TTI1: variants seen among roughly 807,000 people sequenced by gnomAD.
TTI1 encodes the protein TELO2-interacting protein 1 homolog.
Under a neutral mutation model 85.4 loss-of-function variants are expected in TTI1, and 52 were observed. The observed-to-expected ratio is 0.61, with a 90% CI of 0.49 to 0.77. The LOEUF (loss-of-function observed/expected upper bound fraction) is 0.77, where lower values mean the gene tolerates loss of function less well. Among genes scored for constraint, TTI1 ranks in the 30% least tolerant of loss-of-function variants. The probability of loss-of-function intolerance (pLI) is 0.00; values close to 1 mark genes in which losing one functional copy is unlikely to be tolerated. For synonymous variants in TTI1, 512 were observed against 503.9 expected (o/e 1.02, Z -0.22); for missense variants, 1,173 against 1,296.0 (o/e 0.91, Z 1.46).
Position 38,013,086 on chromosome 20 carries a change from C to T in TTI1, c.731G>A (p.Ser244Asn). Residue 244 changes from serine to asparagine, a missense_variant, in exon 2 of 8, where the codon AGC (serine) becomes AAC (asparagine). By Grantham distance (46) the Ser-to-Asn change is conservative. Coordinates refer to ENST00000373447, the MANE Select transcript of TTI1 (RefSeq NM_001303457.2). ...SSLKIFYKTVSFIMADEQLKR... is the reference protein window; with the variant it reads ...SSLKIFYKTVNFIMADEQLKR... ...GAGCTGTTCATCAGCCATAATGAAGCTCACTGTCTTGTAAAAGATCTTTAG... is the reference window on the plus strand; with the variant it reads ...GAGCTGTTCATCAGCCATAATGAAGTTCACTGTCTTGTAAAAGATCTTTAG... 1 of 1,614,174 alleles carries T rather than the reference C, an allele frequency of 6.2e-7. No homozygotes were observed. The highest frequency in any genetic ancestry group is 1.1e-5 in the South Asian group (1 of 91,080).
At chr20:38,031,936 G>C (rs1394925062) in intron 1 of TTI1, among the ~76,000 whole-genome samples, 1 of 152,140 alleles carries the variant, frequency 6.6e-6, no homozygotes, top group Non-Finnish European at 1.5e-5. Context: ...CAGTGACTTG[G>C]TATAAAAGTG....
chr20:37,996,265 G>T (rs1009081969), intron 7 of TTI1, 110 bp downstream of exon 7: 1 of 1,113,156 alleles, frequency 9.0e-7, no homozygotes, highest in Non-Finnish European at 1.3e-6. Flanking sequence ...ATCTTAACCT[G>T]GCAGGGTGAC....
Position 38,013,748 on chromosome 20 carries a change from C to T in TTI1, c.69G>A (p.Lys23=), listed in dbSNP as rs768636223. ...VLRPVCVQLT[K]TQTVENVEHL... is the part of the protein sequence containing the mutation. Reference sequence around the variant, plus strand: ...GCTCCACATTCTCCACTGTCTGGGTCTTTGTGAGCTGAACACAGACTGGAC... The same window carrying T: ...GCTCCACATTCTCCACTGTCTGGGTTTTTGTGAGCTGAACACAGACTGGAC... The change falls in exon 2 of 8, where the codon AAG becomes AAA. Residue 23 remains lysine (K), a synonymous_variant. Coordinates refer to ENST00000373447, the MANE Select transcript of TTI1 (RefSeq NM_001303457.2). 6.2e-7 allele frequency: 1 copy of T among 1,614,158 alleles called. No individual in the cohort carries two copies. Among genetic ancestry groups the T allele is most frequent in the Admixed American group, 1.7e-5 (1 of 60,028 alleles).
rs541512416 is a variant in TTI1, at chr20:38,017,433, T to C, written c.-41-3576A>G. ...GTGTGTGTGTGTGTGTGTGTGTGTG[T>C]GTGCGCGCGCGCCTTTGGTGTGTGC... On this transcript the variant is annotated intron_variant, in intron 1 of 7. Coordinates refer to ENST00000373447, the MANE Select transcript of TTI1 (RefSeq NM_001303457.2). 9.1e-3 allele frequency among the ~76,000 whole-genome samples: 1,355 copies of C among 148,966 alleles called. 24 individuals carry two copies. Among genetic ancestry groups the C allele is most frequent in the African/African-American group, 0.033 (1,294 of 39,426 alleles).
chr20:37,996,601 C>T (rs1394550397), intron 6 of TTI1, 139 bp from the exon 7 acceptor site: 11 of 1,396,540 alleles, frequency 7.9e-6, no homozygotes, highest in Non-Finnish European at 1.1e-5. Flanking sequence ...AAGAACACAT[C>T]AAGATAAATG....
At chr20:38,002,021 G>C (rs1293528612) in intron 4 of TTI1, among the ~76,000 whole-genome samples, 1 of 152,082 alleles carries the variant, frequency 6.6e-6, no homozygotes, top group African/African-American at 2.4e-5. Flanking sequence ...CTGGCCGACA[G>C]TTGTATTTCT....
rs1321407454 is a variant in TTI1, at chr20:38,012,428, T to C, written c.1389A>G (p.Ser463=). ...GGATGCGGTTCCAAGGCTGTGTGGC[T>C]GAGGTCTTTGGAGAAGCATTCAGAT... The part of the protein sequence containing the change: ...SDDLNASPKT[S]ATQPWNRIQR... Residue 463 remains serine, a synonymous_variant, in exon 2 of 8, where the codon TCA becomes TCG. Coordinates refer to ENST00000373447, the MANE Select transcript of TTI1 (RefSeq NM_001303457.2). The C allele has an allele frequency of 1.9e-6, 3 of 1,614,138 alleles. No individual in the cohort carries two copies. The highest frequency in any genetic ancestry group is 2.5e-6 in the Non-Finnish European group (3 of 1,180,054).
intron 6 of TTI1, 95 bp from the exon 7 acceptor site, chr20:37,996,557 C>T: frequency 6.7e-7 from 1 of 1,485,110 alleles, no homozygotes; most frequent in Non-Finnish European, 9.3e-7. Context: ...AACAGCTAGG[C>T]AAGATGCTCT....
chr20:38,005,496 GA>G (rs1353854929), intron 3 of TTI1, among the ~76,000 whole-genome samples: 3 of 151,598 alleles, frequency 2.0e-5, no homozygotes, highest in African/African-American at 4.8e-5. Flanking sequence ...TGGGAATAAG[GA>G]AAAAAAACCT....
chr20:37,985,183 G>T (rs753358731), intron 7 of TTI1, among the ~76,000 whole-genome samples: 2 of 152,172 alleles, frequency 1.3e-5, no homozygotes, highest in Non-Finnish European at 1.5e-5. Flanking sequence ...TTCACTCAGG[G>T]TTTTGCTGAG....
At position 38,013,609 on chromosome 20, in the gene TTI1, A is replaced by G; in HGVS notation, c.208T>C (p.Leu70=). The change falls in exon 2 of 8, where the codon TTG becomes CTG. Residue 70 remains leucine (L), a synonymous_variant. Transcript: ENST00000373447. ...AGGCATTCCACCACACTTTGGATCA[A>G]ACGCTCTCTTTTGGGACCTGGGGTC... is the stretch of plus-strand genomic sequence containing the variant. ...LKTPGPKRER[L]IQSVVECLTF... 6.2e-7 allele frequency: 1 copy of G among 1,614,202 alleles called. No homozygotes were observed. Among genetic ancestry groups the G allele is most frequent in the Non-Finnish European group, 8.5e-7 (1 of 1,180,030 alleles).
At chr20:38,008,736 C>T (rs770586041) in intron 2 of TTI1, among the ~76,000 whole-genome samples, 1 of 152,160 alleles carries the variant, frequency 6.6e-6, no homozygotes, top group Non-Finnish European at 1.5e-5. Context: ...AAAGAGTGGA[C>T]GTCAGTTAGA....
rs2073149841 is a variant in TTI1, at chr20:37,983,534, A to G, written c.3192T>C (p.Pro1064=). 1 of 1,611,318 alleles carries G rather than the reference A, an allele frequency of 6.2e-7. No individual in the cohort carries two copies. Among genetic ancestry groups the G allele is most frequent in the Non-Finnish European group, 8.5e-7 (1 of 1,179,252 alleles). ...QFTPPHPSLH[P]VQLHGASGQQ... is the part of the protein sequence containing the mutation. ...GCCCGCTGGCCCCGTGCAGCTGCAC[A>G]GGGTGGAGGCTGGGGTGGGGAGGTG... The change falls in exon 8 of 8, where the codon CCT becomes CCC. Residue 1064 remains proline, a synonymous_variant. Transcript: ENST00000373447.
chr20:38,001,202 T>G (rs549954010), intron 4 of TTI1, among the ~76,000 whole-genome samples: 1 of 152,320 alleles, frequency 6.6e-6, no homozygotes, highest in African/African-American at 2.4e-5. Context: ...AGCACATGAA[T>G]GAGTGTATGT....
At chr20:38,020,318 AAAAAAATAT>A (rs1568628926) in intron 1 of TTI1, among the ~76,000 whole-genome samples, 11 of 84,144 alleles carry the variant, frequency 1.3e-4, no homozygotes, top group African/African-American at 4.2e-4. Flanking sequence ...ATGAAAAAAA[AAAAAAATAT>A]ATATATATAT....
At chr20:38,021,760 G>A (rs890937238) in intron 1 of TTI1, among the ~76,000 whole-genome samples, 10 of 152,170 alleles carry the variant, frequency 6.6e-5, no homozygotes, top group Non-Finnish European at 1.5e-4. Flanking sequence ...CCCCCGGCAA[G>A]CCTATTCCCC....
At position 38,012,350 on chromosome 20, in the gene TTI1, C is replaced by T. The variant is rs1351295214; in HGVS notation, c.1467G>A (p.Arg489=). ...AATAACCAAGTAGCTGACAAACCTG[C>T]CTCAAGAGCATGAAGATTCTCTCAT... The part of the protein sequence containing the change: ...FTDERIFMLL[R]QVCQLLGYYG... Residue 489 remains arginine (R), a synonymous_variant, in exon 2 of 8, where the codon AGG becomes AGA. Coordinates refer to ENST00000373447, the MANE Select transcript of TTI1 (RefSeq NM_001303457.2). 3 of 1,614,032 alleles carry T rather than the reference C, an allele frequency of 1.9e-6. No homozygotes were observed. The African/African-American group carries it at 4.0e-5, about 22-fold the overall frequency.
In TTI1 at chr20:37,999,344, T is replaced by C; in HGVS notation, c.2653-16A>G. On this transcript the variant is annotated splice_polypyrimidine_tract_variant and intron_variant, in intron 4 of 7. Coordinates refer to ENST00000373447, the MANE Select transcript of TTI1 (RefSeq NM_001303457.2). ...CATCCAAGACCTGAAAGAGACACGA[T>C]TTCAGCAGATGGTATAGGCTTGAAA... 7.2e-7 allele frequency: 1 copy of C among 1,387,572 alleles called. No homozygotes were observed. Among genetic ancestry groups the C allele is most frequent in the Non-Finnish European group, 9.4e-7 (1 of 1,060,212 alleles). 86.0% of individuals were successfully genotyped at this position (1,387,572 alleles called of 1,614,324 possible). A position where few individuals can be genotyped will look rare whatever the true frequency, so the allele number is the denominator to read the frequency against.
At position 37,983,502 on chromosome 20, in the gene TTI1, T is replaced by C. The variant is rs1224656844; in HGVS notation, c.3224A>G (p.Asn1075Ser). 4 of 1,609,672 alleles carry C rather than the reference T, an allele frequency of 2.5e-6. No individual in the cohort carries two copies. The African/African-American group carries it at 4.0e-5, about 16-fold the overall frequency. ...CTGGAGCACGTTGGTCGTGTAGGGG[T>C]TCTGCTGCCCGCTGGCCCCGTGCAG... ...VQLHGASGQQNPYTTNVLQLL... is the reference protein window; with the variant it reads ...VQLHGASGQQSPYTTNVLQLL... Residue 1075 changes from asparagine (N) to serine (S), a missense_variant, in exon 8 of 8, where the codon AAC (asparagine) becomes AGC (serine). Transcript: ENST00000373447.
Sources: gnomAD v4.1 joint callset for allele counts (sites outside exome capture counted in the v4.1 genomes callset) on GRCh38, gnomAD v4.1.1 for gene constraint, MANE v1.5 for transcripts, NCBI Gene and HGNC (gene_info 2026-07-23, HGNC 2026-07-21) for gene names.